CDH4: variants seen among roughly 807,000 people sequenced by gnomAD.
CDH4 encodes cadherin-4.
CDH4 carries 33 observed loss-of-function variants against 86.0 expected under a neutral mutation model. That is an observed-to-expected ratio of 0.38 (90% CI 0.29 to 0.51). The LOEUF is 0.51. Ranked by LOEUF, CDH4 falls within the 20% of genes least tolerant of loss-of-function variation. The pLI is 0.86. For synonymous variants in CDH4, 555 were observed against 549.4 expected (o/e 1.01, Z -0.14); for missense variants, 1,114 against 1,307.4 (o/e 0.85, Z 2.28).
intron 6 of CDH4, among the ~76,000 whole-genome samples, chr20:61,866,728 G>C (rs1600722717): frequency 6.6e-6 from 1 of 152,200 alleles, no homozygotes; most frequent in Non-Finnish European, 1.5e-5. Flanking sequence ...ATGTTTCCCG[G>C]TGAGCGTGTG....
Position 61,598,556 on chromosome 20 carries a change from G to A in CDH4, c.170-145007G>A, listed in dbSNP as rs961717375. 8.5e-5 allele frequency among the ~76,000 whole-genome samples: 13 copies of A among 152,250 alleles called. No individual in the cohort carries two copies. The East Asian group carries it at 1.2e-3, about 14-fold the overall frequency. ...CGAAACAGGGAGTGACGACCCCTGC[G>A]GTGCCGGCAGTAAGGTGTGGAGATA... On this transcript the variant is annotated intron_variant, in intron 2 of 15. Coordinates refer to ENST00000614565, the MANE Select transcript of CDH4 (RefSeq NM_001794.5).
At chr20:61,932,620 C>T (rs983006315) in intron 13 of CDH4, among the ~76,000 whole-genome samples, 1 of 152,204 alleles carries the variant, frequency 6.6e-6, no homozygotes, top group African/African-American at 2.4e-5. Flanking sequence ...CACGCATGTG[C>T]AAGCCTTCAT....
At chr20:61,694,141 T>C (rs2087691377) in intron 2 of CDH4, among the ~76,000 whole-genome samples, 1 of 152,060 alleles carries the variant, frequency 6.6e-6, no homozygotes, top group Non-Finnish European at 1.5e-5. Flanking sequence ...AGATCCACTC[T>C]CCTCAGCTAT....
In CDH4 at chr20:61,929,594, G is replaced by A. The variant is rs1171250929; in HGVS notation, c.2006-15G>A. 1 of 1,602,470 alleles carries A rather than the reference G, an allele frequency of 6.2e-7. No individual in the cohort carries two copies. The highest frequency in any genetic ancestry group is 8.5e-7 in the Non-Finnish European group (1 of 1,169,812). ...GCCGGGCTCTGGTTGAATGTTTACT[G>A]TTGCTTTGCACCAGGTGACTATGCC... On this transcript the variant is annotated splice_polypyrimidine_tract_variant and intron_variant, in intron 12 of 15. Coordinates refer to ENST00000614565, the MANE Select transcript of CDH4 (RefSeq NM_001794.5).
intron 2 of CDH4, among the ~76,000 whole-genome samples, chr20:61,714,307 A>G (rs1182734807): frequency 1.3e-5 from 2 of 152,038 alleles, no homozygotes; most frequent in Non-Finnish European, 2.9e-5. Flanking sequence ...CAGCTTCCCA[A>G]AGTGCTGGGA....
At position 61,565,231 on chromosome 20, in the gene CDH4, T is replaced by TGGCGGTGCTCTTGGTGATGGGGA. The variant is rs1568688582; in HGVS notation, c.170-178330_170-178329insCGGTGCTCTTGGTGATGGGGAGG. Among the ~76,000 whole-genome samples, 8 of 45,758 alleles carry TGGCGGTGCTCTTGGTGATGGGGA rather than the reference T, an allele frequency of 1.7e-4. 1 individual carries two copies. Among genetic ancestry groups the TGGCGGTGCTCTTGGTGATGGGGA allele is most frequent in the Non-Finnish European group, 3.7e-4 (8 of 21,694 alleles). 30.0% of individuals were successfully genotyped at this position (45,758 alleles called of 152,430 possible). A position where few individuals can be genotyped will look rare whatever the true frequency, so the allele number is the denominator to read the frequency against. On this transcript the variant is annotated intron_variant, in intron 2 of 15. Transcript: ENST00000614565. ...CGGTGCTCTCGGTGGTAGGTGGTGG[T>TGGCGGTGCTCTTGGTGATGGGGA]GGTGGTGGTGGCGGTGCTCTTGGTG...
intron 7 of CDH4, among the ~76,000 whole-genome samples, chr20:61,884,053 G>A (rs900250495): frequency 1.1e-4 from 16 of 152,292 alleles, no homozygotes; most frequent in African/African-American, 3.4e-4. Context: ...ACTGGGACTC[G>A]CTGCCTGGAA....
chr20:61,731,601 T>C (rs2088188013), intron 2 of CDH4, among the ~76,000 whole-genome samples: 1 of 152,180 alleles, frequency 6.6e-6, no homozygotes. Context: ...AGCTGCATGT[T>C]TGTAGAATCG....
intron 4 of CDH4, among the ~76,000 whole-genome samples, chr20:61,803,493 T>C (rs1979946788): frequency 6.6e-6 from 1 of 152,224 alleles, no homozygotes; most frequent in Admixed American, 6.5e-5. Context: ...GTAGCTTTGG[T>C]CGGGGGATTA....
chr20:61,315,304 G>A (rs1334329023), intron 2 of CDH4, among the ~76,000 whole-genome samples: 1 of 152,208 alleles, frequency 6.6e-6, no homozygotes, highest in Admixed American at 6.5e-5. Context: ...GCAGGAAGAT[G>A]CCAGACCGAT....
intron 2 of CDH4, among the ~76,000 whole-genome samples, chr20:61,555,908 C>G (rs1010116809): frequency 6.6e-6 from 1 of 152,212 alleles, no homozygotes; most frequent in Non-Finnish European, 1.5e-5. Context: ...TCCATTATGT[C>G]TTCCCTATGG....
intron 2 of CDH4, among the ~76,000 whole-genome samples, chr20:61,710,579 C>T (rs1300624815): frequency 1.3e-5 from 2 of 152,252 alleles, no homozygotes; most frequent in Admixed American, 6.5e-5. Flanking sequence ...GGGAACTCCA[C>T]AGCCCCTGCC....
chr20:61,668,644 A>G (rs1407822308), intron 2 of CDH4, among the ~76,000 whole-genome samples: 1 of 152,206 alleles, frequency 6.6e-6, no homozygotes, highest in Non-Finnish European at 1.5e-5. Flanking sequence ...CTGGGGTCAG[A>G]GAGGTGAAAT....
At chr20:61,265,237 C>A (rs1404031489) in intron 2 of CDH4, among the ~76,000 whole-genome samples, 2 of 151,038 alleles carry the variant, frequency 1.3e-5, no homozygotes, top group Non-Finnish European at 2.9e-5. Flanking sequence ...TTCATTCAAT[C>A]TTACACATAC....
chr20:61,590,504 T>C (rs1048818220), intron 2 of CDH4, among the ~76,000 whole-genome samples: 16 of 152,190 alleles, frequency 1.1e-4, no homozygotes, highest in African/African-American at 3.9e-4. Context: ...CAAGAGTCTT[T>C]CTTCTTTATA....
At chr20:61,489,898 C>T (rs975695060) in intron 2 of CDH4, among the ~76,000 whole-genome samples, 1 of 152,168 alleles carries the variant, frequency 6.6e-6, no homozygotes, top group Non-Finnish European at 1.5e-5. Context: ...GCTTCTGAAA[C>T]ATACAGCTCC....
chr20:61,873,711 T>C lies in CDH4; in HGVS notation c.878-17T>C. ...TGTGGCAGGCCATCCCCATCTGAGCTGCTGTCTCCGTTCCAGGCACCTACG... is the reference window on the plus strand; with the variant it reads ...TGTGGCAGGCCATCCCCATCTGAGCCGCTGTCTCCGTTCCAGGCACCTACG... On this transcript the variant is annotated splice_polypyrimidine_tract_variant and intron_variant, in intron 6 of 15. Transcript: ENST00000614565. The C allele has an allele frequency of 1.9e-6, 3 of 1,609,078 alleles. No homozygotes were observed. Among genetic ancestry groups the C allele is most frequent in the Non-Finnish European group, 2.5e-6 (3 of 1,178,346 alleles).
intron 2 of CDH4, among the ~76,000 whole-genome samples, chr20:61,349,460 C>G (rs2123296594): frequency 6.6e-6 from 1 of 152,332 alleles, no homozygotes; most frequent in South Asian, 2.1e-4. Flanking sequence ...GAGGCGTGAG[C>G]CAGTTAATTT....
intron 2 of CDH4, among the ~76,000 whole-genome samples, chr20:61,258,342 AAAAG>A (rs1258506864): frequency 0.01 from 1,213 of 119,910 alleles, 60 homozygotes; most frequent in East Asian, 0.087. Flanking sequence ...AAAAAAAAAA[AAAAG>A]AAAAAAAAAA....
Sources: allele counts gnomAD v4.1 joint callset (sites outside exome capture counted in the v4.1 genomes callset), GRCh38; gene constraint gnomAD v4.1.1; transcripts MANE v1.5; gene names NCBI Gene and HGNC (gene_info 2026-07-23, HGNC 2026-07-21).